The following TNKS2 variants were observed in gnomAD, a reference collection of about 807,000 sequenced individuals.
The protein encoded by TNKS2 is poly [ADP-ribose] polymerase tankyrase-2.
Under a neutral mutation model 137.6 loss-of-function variants are expected in TNKS2, and 72 were observed. The ratio of observed to expected loss-of-function variants is 0.52; its 90% CI spans 0.43 to 0.64. The LOEUF (loss-of-function observed/expected upper bound fraction) is 0.64. Ranked by LOEUF, TNKS2 falls within the 30% of genes least tolerant of loss-of-function variation. TNKS2 has a pLI of 0.00. For missense variants in TNKS2, 1,049 were observed against 1,410.2 expected (o/e 0.74, Z 4.10); for synonymous variants, 516 against 512.1 (o/e 1.01, Z -0.10).
At position 91,855,127 on chromosome 10, in the gene TNKS2, G is replaced by T; in HGVS notation, c.2913+1G>T. 1 of 1,580,474 alleles carries T rather than the reference G, an allele frequency of 6.3e-7. No individual in the cohort carries two copies. The highest frequency in any genetic ancestry group is 2.2e-5 in the East Asian group (1 of 44,612). On this transcript the variant is annotated splice_donor_variant, in intron 22 of 26. Transcript: ENST00000371627. LOFTEE classifies it high-confidence loss of function. ...AGAGTTTCAGTCTGTGGAGGAAGAGGTATGTTCATATAACTTCAATAGTAG... is the reference window on the plus strand; with the variant it reads ...AGAGTTTCAGTCTGTGGAGGAAGAGTTATGTTCATATAACTTCAATAGTAG...
intron 12 of TNKS2, 51 bp downstream of exon 12, chr10:91,834,075 T>G (rs746256999): frequency 5.6e-6 from 8 of 1,440,616 alleles, no homozygotes; most frequent in Non-Finnish European, 7.4e-6. Context: ...CTTTAAAAAT[T>G]TTTCACATAT....
chr10:91,829,902 T>A (rs1845185733), intron 9 of TNKS2, among the ~76,000 whole-genome samples: 1 of 152,208 alleles, frequency 6.6e-6, no homozygotes, highest in African/African-American at 2.4e-5. Flanking sequence ...CAGTTTTAAT[T>A]TAACATATAT....
Position 91,851,274 on chromosome 10 carries a change from A to T in TNKS2, c.2753A>T (p.Asn918Ile). ...GHKELKEIGI[N>I]AYGHRHKLIK... is the part of the protein sequence containing the mutation. ...AAGGAGCTGAAGGAGATTGGAATCA[A>T]TGCTTATGGACATAGGCACAAACTA... The change falls in exon 21 of 27, where the codon AAT becomes ATT. Residue 918 changes from asparagine to isoleucine, a missense_variant. Around this residue, in one of 6 missense-constraint regions of TNKS2, gnomAD observed 208 missense variants for 231.2 expected, o/e 0.90. Coordinates refer to ENST00000371627, the MANE Select transcript of TNKS2 (RefSeq NM_025235.4). 6.2e-7 allele frequency: 1 copy of T among 1,612,836 alleles called. No homozygotes were observed. The highest frequency in any genetic ancestry group is 8.5e-7 in the Non-Finnish European group (1 of 1,179,662).
At chr10:91,833,118 G>T (rs911301027) in intron 11 of TNKS2, among the ~76,000 whole-genome samples, 1 of 152,106 alleles carries the variant, frequency 6.6e-6, no homozygotes, top group African/African-American at 2.4e-5. Flanking sequence ...ATTTTGACTA[G>T]TATATACACC....
chr10:91,851,168 TCCA>T, intron 20 of TNKS2, 45 bp from the exon 21 acceptor site: 1 of 1,602,128 alleles, frequency 6.2e-7, no homozygotes, highest in Non-Finnish European at 8.5e-7. Flanking sequence ...TATATGAATG[TCCA>T]CCAAATAAGT....
intron 1 of TNKS2, among the ~76,000 whole-genome samples, chr10:91,800,089 T>G (rs1020882093): frequency 6.6e-6 from 1 of 152,238 alleles, no homozygotes; most frequent in South Asian, 2.1e-4. Context: ...AATTGCACCT[T>G]TGTTGGATTT....
At chr10:91,826,497 AGAC>A (rs1407399089) in intron 7 of TNKS2, among the ~76,000 whole-genome samples, 1 of 152,254 alleles carries the variant, frequency 6.6e-6, no homozygotes, top group African/African-American at 2.4e-5. Flanking sequence ...GAAAGAATCT[AGAC>A]GAAGTACATA....
chr10:91,818,973 G>A (rs1436801984), intron 3 of TNKS2, among the ~76,000 whole-genome samples: 1 of 151,960 alleles, frequency 6.6e-6, no homozygotes, highest in African/African-American at 2.4e-5. Context: ...TTAATATTTT[G>A]GTATATTTTC....
At chr10:91,817,818 G>A (rs910418248) in intron 3 of TNKS2, among the ~76,000 whole-genome samples, 2 of 152,150 alleles carry the variant, frequency 1.3e-5, no homozygotes, top group Non-Finnish European at 2.9e-5. Flanking sequence ...AGTTTAGATT[G>A]ACAAGCTTTC....
At chr10:91,801,551 G>A (rs10881969) in intron 1 of TNKS2, among the ~76,000 whole-genome samples, 49,416 of 151,536 alleles carry the variant, frequency 0.33, 8,558 homozygotes, top group South Asian at 0.53. Context: ...TCAGCTCACT[G>A]CAACCCCCAC....
chr10:91,855,347 T>G (rs1258785698), intron 22 of TNKS2, among the ~76,000 whole-genome samples: 6 of 152,084 alleles, frequency 3.9e-5, no homozygotes, highest in Non-Finnish European at 8.8e-5. Flanking sequence ...TTGTTTTTGT[T>G]TTTGTTTTTG....
At chr10:91,841,108 C>T (rs1471184263) in intron 14 of TNKS2, among the ~76,000 whole-genome samples, 175 bp from the exon 15 acceptor site, 1 of 152,022 alleles carries the variant, frequency 6.6e-6, no homozygotes, top group Non-Finnish European at 1.5e-5. Flanking sequence ...TTTAAATGTT[C>T]TCCCCTGACT....
At chr10:91,803,856 C>T (rs937398507) in intron 1 of TNKS2, among the ~76,000 whole-genome samples, 3 of 152,160 alleles carry the variant, frequency 2.0e-5, no homozygotes, top group African/African-American at 7.2e-5. Context: ...TGCAAGACAT[C>T]ACCATCTCAT....
At position 91,813,060 on chromosome 10, in the gene TNKS2, A is replaced by G. The variant is rs779033134; in HGVS notation, c.277A>G (p.Ile93Val). The G allele has an allele frequency of 1.7e-5, 28 of 1,614,036 alleles. No individual in the cohort carries two copies. In the Admixed American group the frequency reaches 4.2e-4, roughly 24 times the overall value. ...CCAAGCACGTGATGATGGGGGCCTT[A>G]TTCCTCTTCATAATGCATGCTCTTT... is the stretch of plus-strand genomic sequence containing the variant. ...NVQARDDGGL[I>V]PLHNACSFGH... Residue 93 changes from isoleucine to valine, a missense_variant, in exon 2 of 27, where the codon ATT (isoleucine) becomes GTT (valine). Physicochemically the swap from Ile to Val is conservative, Grantham distance 29. Transcript: ENST00000371627.
intron 2 of TNKS2, among the ~76,000 whole-genome samples, chr10:91,813,742 T>A (rs1219204721): frequency 6.6e-6 from 1 of 152,198 alleles, no homozygotes; most frequent in Non-Finnish European, 1.5e-5. Flanking sequence ...GCAGTCATGC[T>A]CCACGTAACT....
chr10:91,800,455 A>G (rs1223954079), intron 1 of TNKS2, among the ~76,000 whole-genome samples: 2 of 152,252 alleles, frequency 1.3e-5, no homozygotes, highest in Non-Finnish European at 1.5e-5. Flanking sequence ...GTGAGTTCAT[A>G]TCTGAAAATA....
intron 17 of TNKS2, 127 bp from the exon 18 acceptor site, chr10:91,845,625 G>C: frequency 1.5e-6 from 1 of 683,112 alleles, no homozygotes; most frequent in Admixed American, 3.6e-5. Context: ...TGGGGAGAAA[G>C]AGTTTTTCTT....
At chr10:91,862,302 C>A in intron 26 of TNKS2, 147 bp downstream of exon 26, 2 of 607,498 alleles carry the variant, frequency 3.3e-6, no homozygotes, top group Non-Finnish European at 5.1e-6. Flanking sequence ...TGGAAAGTTA[C>A]AAAAATAGTA....
At chr10:91,831,330 A>G (rs1310903266) in intron 11 of TNKS2, 149 bp downstream of exon 11, 7 of 735,850 alleles carry the variant, frequency 9.5e-6, no homozygotes, top group Non-Finnish European at 1.3e-5. Flanking sequence ...CCTGCAGGTA[A>G]CCTTTTCTAT....
Sources: gnomAD v4.1 joint callset for allele counts (sites outside exome capture counted in the v4.1 genomes callset) on GRCh38, gnomAD v4.1.1 for gene constraint, gnomAD v4.1.1 regional missense constraint, MANE v1.5 for transcripts, NCBI Gene and HGNC (gene_info 2026-07-23, HGNC 2026-07-21) for gene names.